Variants in PPP3CA observed in about 807,000 individuals in gnomAD.
PPP3CA encodes protein phosphatase 3 catalytic subunit alpha.
A neutral mutation model predicts 66.5 loss-of-function variants in PPP3CA; 14 were observed. That is an observed-to-expected ratio of 0.21 (90% confidence interval 0.14 to 0.33). The LOEUF (loss-of-function observed/expected upper bound fraction) is 0.33. Ranked by LOEUF, PPP3CA falls within the 10% of genes least tolerant of loss-of-function variation. The pLI is 1.00. For missense variants in PPP3CA, 317 were observed against 639.5 expected (o/e 0.50, Z 5.44); for synonymous variants, 232 against 226.2 (o/e 1.03, Z -0.23).
At chr4:101,227,243 C>A (rs1046210949) in intron 1 of PPP3CA, among the ~76,000 whole-genome samples, 3 of 151,750 alleles carry the variant, frequency 2.0e-5, no homozygotes, top group Admixed American at 1.3e-4. Flanking sequence ...CATCAATTTC[C>A]TAAGGAATTC....
intron 1 of PPP3CA, among the ~76,000 whole-genome samples, chr4:101,336,787 G>C (rs1449336492): frequency 1.3e-5 from 2 of 152,062 alleles, no homozygotes; most frequent in Non-Finnish European, 2.9e-5. Context: ...GGAATAGGGA[G>C]CTGCCTCTCA....
At chr4:101,154,159 G>A (rs1034330618) in intron 2 of PPP3CA, among the ~76,000 whole-genome samples, 3 of 152,048 alleles carry the variant, frequency 2.0e-5, no homozygotes, top group Non-Finnish European at 2.9e-5. Flanking sequence ...GAAGAAAATA[G>A]TTCTATCCTC....
intron 1 of PPP3CA, among the ~76,000 whole-genome samples, chr4:101,230,227 C>G (rs920472824): frequency 6.6e-6 from 1 of 151,490 alleles, no homozygotes; most frequent in African/African-American, 2.4e-5. Context: ...CCAGATTTTT[C>G]TTCTTTACAA....
intron 1 of PPP3CA, among the ~76,000 whole-genome samples, chr4:101,251,578 T>G (rs1726678351): frequency 1.3e-5 from 2 of 152,108 alleles, no homozygotes. Flanking sequence ...CCTATAATTG[T>G]TAACAACAGG....
chr4:101,050,328 T>C (rs1308916793), intron 10 of PPP3CA, among the ~76,000 whole-genome samples: 2 of 152,070 alleles, frequency 1.3e-5, no homozygotes, highest in Admixed American at 6.6e-5. Flanking sequence ...TCACAAATAC[T>C]TGGCTTCTCC....
intron 1 of PPP3CA, among the ~76,000 whole-genome samples, chr4:101,250,796 A>C (rs906690413): frequency 6.6e-6 from 1 of 152,072 alleles, no homozygotes; most frequent in East Asian, 1.9e-4. Context: ...AATAGGTTTA[A>C]TAAGCAAGTG....
chr4:101,248,483 A>C (rs1048781530), intron 1 of PPP3CA, among the ~76,000 whole-genome samples: 3 of 152,182 alleles, frequency 2.0e-5, no homozygotes, highest in Admixed American at 6.5e-5. Flanking sequence ...AAAATATTTA[A>C]ACATATATAT....
intron 1 of PPP3CA, among the ~76,000 whole-genome samples, chr4:101,273,004 A>G (rs1287775809): frequency 1.3e-5 from 2 of 152,238 alleles, no homozygotes; most frequent in Non-Finnish European, 2.9e-5. Context: ...CCAAAAGAAC[A>G]TTCTCCAGAT....
chr4:101,069,384 G>A (rs902398778), intron 8 of PPP3CA, among the ~76,000 whole-genome samples: 1 of 152,056 alleles, frequency 6.6e-6, no homozygotes, highest in Admixed American at 6.6e-5. Context: ...TACTCACTAG[G>A]TGGAAATGGA....
At chr4:101,083,052 C>G in intron 7 of PPP3CA, 134 bp downstream of exon 7, 1 of 547,146 alleles carries the variant, frequency 1.8e-6, no homozygotes, top group Non-Finnish European at 3.0e-6. Context: ...TGTCATCCAT[C>G]AGAAGATAAT....
In PPP3CA at chr4:101,029,762, T is replaced by C. The variant is rs140526463; in HGVS notation, c.1340-567A>G. 2.7e-4 allele frequency among the ~76,000 whole-genome samples: 40 copies of C among 150,806 alleles called. 1 individual carries two copies. The East Asian group carries it at 7.6e-3, about 29-fold the overall frequency. ...ATAAAAGTCAGGGTGTCTAAGGAGATAATGGATGTGACTCTTTAAAGATAA... is the reference window on the plus strand; with the variant it reads ...ATAAAAGTCAGGGTGTCTAAGGAGACAATGGATGTGACTCTTTAAAGATAA... On this transcript the variant is annotated intron_variant, in intron 12 of 13. Transcript: ENST00000394854.
intron 1 of PPP3CA, among the ~76,000 whole-genome samples, chr4:101,207,533 G>A (rs1725171110): frequency 6.6e-6 from 1 of 152,108 alleles, no homozygotes; most frequent in African/African-American, 2.4e-5. Flanking sequence ...GCTGTTAAGA[G>A]TAGCTAAAAA....
At chr4:101,324,148 GGGAGGGAGGAAGGAAGGAA>G (rs1341992519) in intron 1 of PPP3CA, among the ~76,000 whole-genome samples, 5 of 126,072 alleles carry the variant, frequency 4.0e-5, no homozygotes, top group African/African-American at 1.9e-4. Context: ...AGGGAAGGAA[GGGAGGGAGGAAGGAAGGAA>G]GGAAGGAAGG....
chr4:101,133,714 G>A (rs1008284723), intron 2 of PPP3CA, among the ~76,000 whole-genome samples: 7 of 152,034 alleles, frequency 4.6e-5, no homozygotes, highest in South Asian at 2.1e-4. Context: ...AGCTACCATT[G>A]ACTTTCTTCA....
intron 1 of PPP3CA, among the ~76,000 whole-genome samples, chr4:101,345,543 A>G (rs534483466): frequency 6.6e-5 from 10 of 152,256 alleles, no homozygotes; most frequent in Middle Eastern, 3.4e-3. Flanking sequence ...GCTCATGCCC[A>G]TCTCTGCTTT....
chr4:101,285,856 C>T (rs868469817), intron 1 of PPP3CA, among the ~76,000 whole-genome samples: 2 of 151,922 alleles, frequency 1.3e-5, no homozygotes, highest in African/African-American at 2.4e-5. Context: ...TGCAGTCATT[C>T]GACAAAAGTT....
intron 1 of PPP3CA, among the ~76,000 whole-genome samples, chr4:101,327,633 TA>T (rs1289700100): frequency 6.6e-6 from 1 of 152,226 alleles, no homozygotes; most frequent in African/African-American, 2.4e-5. Flanking sequence ...ACTTACCTGA[TA>T]TTTTTTCTAT....
At chr4:101,076,166 T>A (rs1729181845) in intron 8 of PPP3CA, among the ~76,000 whole-genome samples, 1 of 152,180 alleles carries the variant, frequency 6.6e-6, no homozygotes, top group Admixed American at 6.5e-5. Flanking sequence ...ACAATCCAGA[T>A]GTGCAAAGTG....
At chr4:101,113,272 C>G (rs751425485) in intron 2 of PPP3CA, among the ~76,000 whole-genome samples, 3 of 152,066 alleles carry the variant, frequency 2.0e-5, no homozygotes, top group Non-Finnish European at 4.4e-5. Context: ...TCCAGAGATG[C>G]AGATTCACTA....
Sources: gnomAD v4.1 joint callset for allele counts (sites outside exome capture counted in the v4.1 genomes callset) on GRCh38, gnomAD v4.1.1 for gene constraint, MANE v1.5 for transcripts, NCBI Gene and HGNC (gene_info 2026-07-23, HGNC 2026-07-21) for gene names.